The following ZBTB47 variants were observed in gnomAD, a reference collection of about 807,000 sequenced individuals.
ZBTB47 encodes zinc finger and BTB domain-containing protein 47.
A neutral mutation model predicts 56.6 loss-of-function variants in ZBTB47; 24 were observed. That is an observed-to-expected ratio of 0.42 (90% confidence interval 0.31 to 0.60). The LOEUF (loss-of-function observed/expected upper bound fraction) is 0.60. Among genes scored for constraint, ZBTB47 ranks in the 20% least tolerant of loss-of-function variants. The probability of loss-of-function intolerance (pLI) is 0.14; values close to 1 mark genes in which losing one functional copy is unlikely to be tolerated. For missense variants in ZBTB47, 829 were observed against 1,032.6 expected (o/e 0.80, Z 2.70); for synonymous variants, 414 against 418.9 (o/e 0.99, Z 0.14).
chr3:42,664,452 C>T lies in ZBTB47; in HGVS notation c.2098C>T (p.Leu700=). ...CGACGGCGTCCCCGCTGCCCCAGGC[C>T]TGCCCCCAACCCAGCCCCAGGCGCA... ...AGDGVPAAPG[L]PPTQPQAHAL... Residue 700 remains leucine (L), a synonymous_variant, in exon 6 of 6, where the codon CTG becomes TTG. Transcript: ENST00000232974. 2.0e-6 allele frequency: 3 copies of T among 1,525,852 alleles called. No individual in the cohort carries two copies. Among genetic ancestry groups the T allele is most frequent in the Non-Finnish European group, 2.6e-6 (3 of 1,139,738 alleles). 94.5% of individuals were successfully genotyped at this position (1,525,852 alleles called of 1,614,324 possible).
Position 42,665,754 on chromosome 3 carries a change from CAGG to C in ZBTB47, c.*1157_*1159del. ...CTGCCGGTAAAGGAGCCTGCATGTT[CAGG>C]CCCCTCGGGGGATTGGGGGGACTGG... On this transcript the variant is annotated 3_prime_UTR_variant, in exon 6 of 6. Transcript: ENST00000232974. 6.5e-6 allele frequency: 1 copy of C among 152,870 alleles called. No homozygotes were observed. The highest frequency in any genetic ancestry group is 2.4e-5 in the African/African-American group (1 of 41,604). The allele number at this position is 152,870 out of a possible 1,614,324, so 9.5% of individuals were successfully genotyped here. A position where few individuals can be genotyped will look rare whatever the true frequency, so the allele number is the denominator to read the frequency against.
Position 42,667,041 on chromosome 3 carries a change from A to G in ZBTB47, c.*2443A>G, listed in dbSNP as rs1161032106. Reference sequence around the variant, plus strand: ...GCAATAATGGCACCTCAGCAGTTCCAGTATGGATAGGGGTTCCTGTTTTAC... The same window carrying G: ...GCAATAATGGCACCTCAGCAGTTCCGGTATGGATAGGGGTTCCTGTTTTAC... On this transcript the variant is annotated 3_prime_UTR_variant, in exon 6 of 6. Transcript: ENST00000232974. 6.6e-6 allele frequency among the ~76,000 whole-genome samples: 1 copy of G among 152,256 alleles called. No homozygotes were observed. The highest frequency in any genetic ancestry group is 1.5e-5 in the Non-Finnish European group (1 of 68,042).
chr3:42,653,487 C>T (rs1027541832), upstream of ZBTB47, among the ~76,000 whole-genome samples: 2 of 152,178 alleles, frequency 1.3e-5, no homozygotes, highest in Admixed American at 6.5e-5. Context: ...CCACAGAGGC[C>T]TCTCCTCTAC....
At chr3:42,655,209 C>T (rs1710626429) in intron 1 of ZBTB47, among the ~76,000 whole-genome samples, 1 of 152,138 alleles carries the variant, frequency 6.6e-6, no homozygotes, top group South Asian at 2.1e-4. Flanking sequence ...ACAGAGGAGG[C>T]TGGCATGGAC....
At position 42,657,025 on chromosome 3, in the gene ZBTB47, A is replaced by T. The variant is rs139938593; in HGVS notation, c.-81-1250A>T. On this transcript the variant is annotated intron_variant, in intron 1 of 5. Transcript: ENST00000232974. The stretch of plus-strand genomic sequence containing the variant: ...GCCCTGAGGAGAGCCAGAACTTGGA[A>T]CCAGTGGTGCTGGTCCAGCTGGGCT... 5.3e-5 allele frequency among the ~76,000 whole-genome samples: 8 copies of T among 152,280 alleles called. No individual in the cohort carries two copies. The East Asian group carries it at 1.4e-3, about 26-fold the overall frequency.
chr3:42,655,123 C>G (rs773495708), intron 1 of ZBTB47, among the ~76,000 whole-genome samples: 6 of 152,324 alleles, frequency 3.9e-5, no homozygotes, highest in Middle Eastern at 3.4e-3. Flanking sequence ...GCTCCCGTAC[C>G]AACTCCTGTG....
chr3:42,660,153 C>T (rs899742526), intron 2 of ZBTB47, among the ~76,000 whole-genome samples: 13 of 152,168 alleles, frequency 8.5e-5, no homozygotes, highest in African/African-American at 2.9e-4. Context: ...GTTGTCTGAG[C>T]AGACAAGGCC....
At position 42,663,193 on chromosome 3, in the gene ZBTB47, G is replaced by A. The variant is rs147024713; in HGVS notation, c.1737+66G>A. 11 of 1,238,996 alleles carry A rather than the reference G, an allele frequency of 8.9e-6. No homozygotes were observed. Among genetic ancestry groups the A allele is most frequent in the Middle Eastern group, 1.9e-4 (1 of 5,256 alleles). 76.8% of individuals were successfully genotyped at this position (1,238,996 alleles called of 1,614,324 possible). On this transcript the variant is annotated intron_variant, in intron 4 of 5. Coordinates refer to ENST00000232974, the MANE Select transcript of ZBTB47 (RefSeq NM_145166.4). This position sits in a 1 kb window ranked among gnomAD's most constrained non-coding sequence, Gnocchi z 5.1. ...CTGGGAGGGGCAGGAATCAGGGAGC[G>A]CAGCTGCTGAAAAACAAAGGGCTAG...
At position 42,666,271 on chromosome 3, in the gene ZBTB47, A is replaced by G. The variant is rs1348753109; in HGVS notation, c.*1673A>G. Among the ~76,000 whole-genome samples, 5 of 152,096 alleles carry G rather than the reference A, an allele frequency of 3.3e-5. No individual in the cohort carries two copies. The highest frequency in any genetic ancestry group is 7.4e-5 in the Non-Finnish European group (5 of 68,026). The stretch of plus-strand genomic sequence containing the variant: ...TGCCAGCAGCTTCCTTGCCCAATTG[A>G]TGTTGGAGCTGTAGACGTACGCTCA... On this transcript the variant is annotated 3_prime_UTR_variant, in exon 6 of 6. Coordinates refer to ENST00000232974, the MANE Select transcript of ZBTB47 (RefSeq NM_145166.4).
rs747038888 is a variant in ZBTB47 at position 42,663,750 on chromosome 3, G to A, written c.1738-47G>A. 1 of 1,600,444 alleles carries A rather than the reference G, an allele frequency of 6.2e-7. No homozygotes were observed. The highest frequency in any genetic ancestry group is 8.5e-7 in the Non-Finnish European group (1 of 1,169,680). On this transcript the variant is annotated intron_variant, in intron 4 of 5. Coordinates refer to ENST00000232974, the MANE Select transcript of ZBTB47 (RefSeq NM_145166.4). The surrounding 1 kb of genome is among the most constrained non-coding windows in gnomAD (Gnocchi z 5.1). ...GGGAGCTGTTCCCTCCACAAAGGCTGCTCTTCTGCTCTGTGCCTGGGCCTC... is the reference window on the plus strand; with the variant it reads ...GGGAGCTGTTCCCTCCACAAAGGCTACTCTTCTGCTCTGTGCCTGGGCCTC...
chr3:42,661,714 C>A (rs1710724059), intron 3 of ZBTB47, 82 bp downstream of exon 3: 1 of 1,549,378 alleles, frequency 6.5e-7, no homozygotes, highest in Admixed American at 1.8e-5. Flanking sequence ...GACTTCACAT[C>A]CAAGGGCAAT....
upstream of ZBTB47, among the ~76,000 whole-genome samples, chr3:42,653,488 TCTC>T (rs774641542): frequency 4.6e-5 from 7 of 152,160 alleles, no homozygotes; most frequent in Non-Finnish European, 1.0e-4. Context: ...CACAGAGGCC[TCTC>T]CTCTACAATG....
Position 42,654,562 on chromosome 3 carries a change from C to T in ZBTB47, c.-82+679C>T. 2.1e-6 allele frequency: 1 copy of T among 474,908 alleles called. No individual in the cohort carries two copies. The highest frequency in any genetic ancestry group is 2.1e-5 in the African/African-American group (1 of 47,276). 29.4% of individuals were successfully genotyped at this position (474,908 alleles called of 1,614,324 possible). A position where few individuals can be genotyped will look rare whatever the true frequency, so the allele number is the denominator to read the frequency against. On this transcript the variant is annotated intron_variant, in intron 1 of 5. Coordinates refer to ENST00000232974, the MANE Select transcript of ZBTB47 (RefSeq NM_145166.4). This position sits in a 1 kb window ranked among gnomAD's most constrained non-coding sequence, Gnocchi z 5.0. ...CGCCTCCGCCTGCCTGGCCGCGCCCCCGGGGGCCATGGTCGCGGGGCCCTG... is the reference window on the plus strand; with the variant it reads ...CGCCTCCGCCTGCCTGGCCGCGCCCTCGGGGGCCATGGTCGCGGGGCCCTG...
At chr3:42,658,210 G>A (rs1423400497) in intron 1 of ZBTB47, 65 bp from the exon 2 acceptor site, 3 of 1,424,072 alleles carry the variant, frequency 2.1e-6, no homozygotes, top group Non-Finnish European at 1.8e-6. Context: ...TGGGAGTGGT[G>A]CTGGGGGAAG....
rs1265425837 is a variant in ZBTB47, at chr3:42,663,149, G to A, written c.1737+22G>A. On this transcript the variant is annotated intron_variant, in intron 4 of 5. Transcript: ENST00000232974. This position sits in a 1 kb window ranked among gnomAD's most constrained non-coding sequence, Gnocchi z 5.1. Reference sequence around the variant, plus strand: ...TGAGGTGAGCTTCCATCTCCTGCCTGGCCTGCCCGAGGGGTCACCTGGGAG... The same window carrying A: ...TGAGGTGAGCTTCCATCTCCTGCCTAGCCTGCCCGAGGGGTCACCTGGGAG... 2 of 1,586,360 alleles carry A rather than the reference G, an allele frequency of 1.3e-6. No individual in the cohort carries two copies. Among genetic ancestry groups the A allele is most frequent in the Admixed American group, 3.3e-5 (2 of 59,898 alleles).
rs1372005640 is a variant in ZBTB47, at chr3:42,664,810, G to GC, written c.*219dup. ...GGTGGAGGGCATCTCACTCCCAAGT[G>GC]CCCCCCCTTTCTGTGACTCCTTGAA... is the stretch of plus-strand genomic sequence containing the variant. On this transcript the variant is annotated 3_prime_UTR_variant, in exon 6 of 6. Coordinates refer to ENST00000232974, the MANE Select transcript of ZBTB47 (RefSeq NM_145166.4). The GC allele has an allele frequency of 3.2e-5, 14 of 439,444 alleles. No individual in the cohort carries two copies. Among genetic ancestry groups the GC allele is most frequent in the Admixed American group, 1.3e-4 (3 of 22,338 alleles). 27.2% of individuals were successfully genotyped at this position (439,444 alleles called of 1,614,324 possible).
At position 42,666,497 on chromosome 3, in the gene ZBTB47, T is replaced by C. The variant is rs959556055; in HGVS notation, c.*1899T>C. 1.3e-5 allele frequency among the ~76,000 whole-genome samples: 2 copies of C among 152,170 alleles called. No homozygotes were observed. The highest frequency in any genetic ancestry group is 3.9e-4 in the East Asian group (2 of 5,190). ...CCCTGTTGCTATTTTTAATCTCTAG[T>C]CCCAGTGCCTGGCAGCTCTTTGGAG... On this transcript the variant is annotated 3_prime_UTR_variant, in exon 6 of 6. Coordinates refer to ENST00000232974, the MANE Select transcript of ZBTB47 (RefSeq NM_145166.4).
rs556684870 is a variant in ZBTB47, at chr3:42,659,541, G to A, written c.1186G>A (p.Ala396Thr). ...RRRGTPEPEE[A>T]GRRGGKRPKP... ...CCGGGGTACCCCTGAACCTGAAGAA[G>A]CTGGGCGGCGGGGTGGGAAGAGGCC... Residue 396 changes from alanine (A) to threonine (T), a missense_variant, in exon 2 of 6, where the codon GCT (alanine) becomes ACT (threonine). Around this residue, in one of 6 missense-constraint regions of ZBTB47, gnomAD observed 359 missense variants for 359.8 expected, o/e 1.00. Coordinates refer to ENST00000232974, the MANE Select transcript of ZBTB47 (RefSeq NM_145166.4). 28 of 1,569,028 alleles carry A rather than the reference G, an allele frequency of 1.8e-5. No homozygotes were observed. The highest frequency in any genetic ancestry group is 1.4e-4 in the African/African-American group (10 of 73,428).
Position 42,664,899 on chromosome 3 carries a change from A to T in ZBTB47, c.*301A>T, listed in dbSNP as rs1201579314. 3 of 240,676 alleles carry T rather than the reference A, an allele frequency of 1.2e-5. No homozygotes were observed. The highest frequency in any genetic ancestry group is 1.2e-3 in the Middle Eastern group (1 of 816). The allele number at this position is 240,676 out of a possible 1,614,324, so 14.9% of individuals were successfully genotyped here. On this transcript the variant is annotated 3_prime_UTR_variant, in exon 6 of 6. Coordinates refer to ENST00000232974, the MANE Select transcript of ZBTB47 (RefSeq NM_145166.4). The stretch of plus-strand genomic sequence containing the variant: ...GAAACTATTTACAGCACTCCCCTCC[A>T]GGTGAGGGGGGTGCTGGGGGTCTGC...
Sources: gnomAD v4.1 joint callset for allele counts (sites outside exome capture counted in the v4.1 genomes callset) on GRCh38, gnomAD v4.1.1 for gene constraint, gnomAD v4.1.1 regional missense constraint, Gnocchi (gnomAD v3.1) non-coding constraint, MANE v1.5 for transcripts, NCBI Gene and HGNC (gene_info 2026-07-23, HGNC 2026-07-21) for gene names.